Variants in PDS5B observed in about 807,000 individuals in gnomAD.
The protein encoded by PDS5B is sister chromatid cohesion protein PDS5 homolog B.
Under a neutral mutation model 184.1 loss-of-function variants are expected in PDS5B, and 51 were observed. That is an observed-to-expected ratio of 0.28 (90% confidence interval 0.22 to 0.35). The LOEUF is 0.35. Among genes scored for constraint, PDS5B ranks in the 10% least tolerant of loss-of-function variants. The pLI is 1.00. For missense variants in PDS5B, 1,180 were observed against 1,723.3 expected, an observed-to-expected ratio of 0.68 and a Z score of 5.58; for synonymous variants, 566 against 569.2, an observed-to-expected ratio of 0.99 and a Z score of 0.08.
At chr13:32,661,020 G>A (rs567514738) in intron 6 of PDS5B, among the ~76,000 whole-genome samples, 11 of 152,204 alleles carry the variant, frequency 7.2e-5, no homozygotes, top group Admixed American at 7.2e-4. Flanking sequence ...CTTGAAAGGA[G>A]TAATGATAAG....
chr13:32,713,659 T>C (rs928974611), intron 19 of PDS5B, among the ~76,000 whole-genome samples: 2 of 151,652 alleles, frequency 1.3e-5, no homozygotes, highest in African/African-American at 4.8e-5. Flanking sequence ...AAAAATGGAG[T>C]TAAAGGGAAT....
chr13:32,699,843 T>C lies in PDS5B; in HGVS notation c.1714T>C (p.Ser572Pro). ...QLEVLVSPTC[S>P]CKQAEGCVRE... Reference sequence around the variant, plus strand: ...AGAAGTACTTGTTAGTCCAACATGCTCCTGCAAGCAGGCTGAAGGTTGTGT... The same window carrying C: ...AGAAGTACTTGTTAGTCCAACATGCCCCTGCAAGCAGGCTGAAGGTTGTGT... Residue 572 changes from serine to proline, a missense_variant, in exon 16 of 35, where the codon TCC becomes CCC. Coordinates refer to ENST00000315596, the MANE Select transcript of PDS5B (RefSeq NM_015032.4). 6.4e-7 allele frequency: 1 copy of C among 1,573,422 alleles called. No individual in the cohort carries two copies. Among genetic ancestry groups the C allele is most frequent in the Non-Finnish European group, 8.6e-7 (1 of 1,164,398 alleles).
chr13:32,617,221 A>T (rs1488504014), intron 1 of PDS5B, among the ~76,000 whole-genome samples: 17 of 152,194 alleles, frequency 1.1e-4, no homozygotes, highest in Non-Finnish European at 2.4e-4. Flanking sequence ...CATTTATTTA[A>T]TATAATCTAG....
intron 19 of PDS5B, among the ~76,000 whole-genome samples, chr13:32,721,802 A>G (rs13378700): frequency 0.39 from 57,517 of 147,382 alleles, 11,537 homozygotes; most frequent in Non-Finnish European, 0.45. Context: ...GACAATGGGC[A>G]GCCAGGCAGA....
chr13:32,734,723 T>C (rs1339937481), intron 20 of PDS5B, among the ~76,000 whole-genome samples: 1 of 152,172 alleles, frequency 6.6e-6, no homozygotes, highest in African/African-American at 2.4e-5. Flanking sequence ...GCATACTTCA[T>C]TTTACTCCCA....
chr13:32,679,814 C>T (rs1332185405), intron 10 of PDS5B, among the ~76,000 whole-genome samples: 2 of 151,890 alleles, frequency 1.3e-5, no homozygotes, highest in Non-Finnish European at 2.9e-5. Flanking sequence ...GCCATCCATT[C>T]TTCCTCCCAT....
At chr13:32,708,139 G>A (rs1306026203) in intron 18 of PDS5B, among the ~76,000 whole-genome samples, 1 of 152,210 alleles carries the variant, frequency 6.6e-6, no homozygotes, top group African/African-American at 2.4e-5. Flanking sequence ...CTGTAAAACT[G>A]CCCTGAGCTA....
At chr13:32,719,446 G>T (rs1732098175) in intron 19 of PDS5B, among the ~76,000 whole-genome samples, 1 of 152,270 alleles carries the variant, frequency 6.6e-6, no homozygotes, top group Admixed American at 6.5e-5. Flanking sequence ...GCCTCCCAAA[G>T]TGTTGGGATT....
intron 11 of PDS5B, among the ~76,000 whole-genome samples, chr13:32,684,877 G>T (rs936820841): frequency 2.0e-5 from 3 of 152,184 alleles, no homozygotes; most frequent in Non-Finnish European, 4.4e-5. Context: ...ACTTTGGGAG[G>T]CTGAGACGGG....
At chr13:32,623,512 A>G (rs1430060362) in intron 1 of PDS5B, among the ~76,000 whole-genome samples, 2 of 152,218 alleles carry the variant, frequency 1.3e-5, no homozygotes, top group African/African-American at 4.8e-5. Context: ...CTATAAACAT[A>G]GTAACATCGT....
Position 32,670,066 on chromosome 13 carries a change from TA to T in PDS5B, c.705+2223del, listed in dbSNP as rs1294679906. 3.3e-5 allele frequency among the ~76,000 whole-genome samples: 5 copies of T among 152,310 alleles called. No homozygotes were observed. The East Asian group carries it at 9.6e-4, about 29-fold the overall frequency. Reference sequence around the variant, plus strand: ...TTAACAATTAAAAATAGGAGTAAGATACTGAGATAATAACCCCACTTCTCTC... The same window carrying T: ...TTAACAATTAAAAATAGGAGTAAGATCTGAGATAATAACCCCACTTCTCTC... On this transcript the variant is annotated intron_variant, in intron 7 of 34. Coordinates refer to ENST00000315596, the MANE Select transcript of PDS5B (RefSeq NM_015032.4).
intron 1 of PDS5B, among the ~76,000 whole-genome samples, chr13:32,604,008 A>G (rs1258054666): frequency 6.6e-6 from 1 of 152,222 alleles, no homozygotes; most frequent in Non-Finnish European, 1.5e-5. Flanking sequence ...ATATACAGTC[A>G]TGTCATCTGC....
intron 19 of PDS5B, among the ~76,000 whole-genome samples, chr13:32,720,058 A>G (rs1220296848): frequency 1.3e-5 from 2 of 152,170 alleles, no homozygotes; most frequent in South Asian, 4.1e-4. Flanking sequence ...TTGGCCTCCC[A>G]AAGTGTTGGA....
intron 1 of PDS5B, among the ~76,000 whole-genome samples, chr13:32,589,447 T>A (rs2057740293): frequency 6.6e-6 from 1 of 152,168 alleles, no homozygotes; most frequent in Admixed American, 6.5e-5. Flanking sequence ...TAGGATTCAG[T>A]CCATTTAGGT....
intron 6 of PDS5B, among the ~76,000 whole-genome samples, chr13:32,661,415 AAAAG>A (rs1269620196): frequency 6.7e-6 from 1 of 149,568 alleles, no homozygotes; most frequent in Non-Finnish European, 1.5e-5. Context: ...AAAAAACAGA[AAAAG>A]AAAAAGAAAA....
At chr13:32,693,395 T>C (rs1748190955) in intron 13 of PDS5B, among the ~76,000 whole-genome samples, 1 of 151,872 alleles carries the variant, frequency 6.6e-6, no homozygotes, top group South Asian at 2.1e-4. Flanking sequence ...CCAAAGGCAT[T>C]TTTCAAACAT....
At chr13:32,595,163 C>T (rs910833756) in intron 1 of PDS5B, among the ~76,000 whole-genome samples, 1 of 151,640 alleles carries the variant, frequency 6.6e-6, no homozygotes, top group Non-Finnish European at 1.5e-5. Context: ...TAACAGATTT[C>T]TTTCTTAAAA....
chr13:32,712,621 T>C (rs1169025397), intron 19 of PDS5B, among the ~76,000 whole-genome samples: 1 of 152,226 alleles, frequency 6.6e-6, no homozygotes, highest in East Asian at 1.9e-4. Flanking sequence ...CTTAAGACTC[T>C]ATTGAAAGTG....
At chr13:32,657,495 T>G (rs1227864001) in intron 3 of PDS5B, among the ~76,000 whole-genome samples, 1 of 152,212 alleles carries the variant, frequency 6.6e-6, no homozygotes, top group Non-Finnish European at 1.5e-5. Context: ...AGCATACAGT[T>G]GGGCCTTGCT....
Sources: allele counts gnomAD v4.1 joint callset (sites outside exome capture counted in the v4.1 genomes callset), GRCh38; gene constraint gnomAD v4.1.1; transcripts MANE v1.5; gene names NCBI Gene and HGNC (gene_info 2026-07-23, HGNC 2026-07-21).